DLGAP2: variants seen among roughly 807,000 people sequenced by gnomAD.
DLGAP2 encodes DLG associated protein 2.
Under a neutral mutation model 100.3 loss-of-function variants are expected in DLGAP2, and 26 were observed. The observed-to-expected ratio is 0.26, with a 90% confidence interval of 0.19 to 0.36. DLGAP2 has a LOEUF of 0.36. Ranked by LOEUF, DLGAP2 falls within the 10% of genes least tolerant of loss-of-function variation. The pLI is 1.00. For synonymous variants in DLGAP2, 886 were observed against 630.1 expected, an observed-to-expected ratio of 1.41 and a Z score of -6.08; for missense variants, 1,858 against 1,453.2, an observed-to-expected ratio of 1.28 and a Z score of -4.53.
chr8:1,617,088 T>C (rs1156957557), intron 6 of DLGAP2, among the ~76,000 whole-genome samples: 1 of 152,210 alleles, frequency 6.6e-6, no homozygotes, highest in East Asian at 1.9e-4. Flanking sequence ...GGCTGCATAG[T>C]ATTCCACGGT....
At chr8:1,591,062 G>A (rs1366685767) in intron 6 of DLGAP2, among the ~76,000 whole-genome samples, 3 of 152,192 alleles carry the variant, frequency 2.0e-5, no homozygotes, top group Admixed American at 6.5e-5. Context: ...TTCCGTGCTC[G>A]GGACCCAACC....
chr8:1,088,335 G>A (rs1396201348), intron 2 of DLGAP2, among the ~76,000 whole-genome samples: 1 of 152,064 alleles, frequency 6.6e-6, no homozygotes, highest in African/African-American at 2.4e-5. Context: ...AGGGCACCAA[G>A]GGCCTGGTGG....
chr8:859,240 T>C (rs1488770485), intron 1 of DLGAP2, among the ~76,000 whole-genome samples: 1 of 151,978 alleles, frequency 6.6e-6, no homozygotes, highest in African/African-American at 2.4e-5. Flanking sequence ...GCCTCCCAAG[T>C]AGCTGGGATC....
Position 1,083,902 on chromosome 8 carries a change from G to A in DLGAP2, c.74-174949G>A, listed in dbSNP as rs113716560. Among the ~76,000 whole-genome samples the A allele has an allele frequency of 1.1e-4, 17 of 152,256 alleles. No homozygotes were observed. The East Asian group carries it at 1.5e-3, about 14-fold the overall frequency. On this transcript the variant is annotated intron_variant, in intron 2 of 14. Transcript: ENST00000637795. The stretch of plus-strand genomic sequence containing the variant: ...AAGTGGCTAATAAAGAACTGTGTTC[G>A]TGTTCCTAGCAAAATGCAAAATCAT...
chr8:1,499,197 T>C (rs1394151432), intron 3 of DLGAP2, among the ~76,000 whole-genome samples: 2 of 152,246 alleles, frequency 1.3e-5, no homozygotes, highest in Non-Finnish European at 2.9e-5. Flanking sequence ...TTGTGCTCTG[T>C]GTGAAGCACG....
intron 6 of DLGAP2, among the ~76,000 whole-genome samples, chr8:1,613,700 G>T (rs181355288): frequency 1.3e-5 from 2 of 152,280 alleles, no homozygotes; most frequent in African/African-American, 4.8e-5. Flanking sequence ...TATTTTGGGA[G>T]AGTAGTTTAA....
At chr8:1,549,815 T>C in intron 5 of DLGAP2, 132 bp downstream of exon 5, 1 of 1,061,022 alleles carries the variant, frequency 9.4e-7, no homozygotes, top group Non-Finnish European at 1.3e-6. Context: ...GAGCTACGGA[T>C]ATGTTCTGGG....
At chr8:1,598,914 G>T (rs909194183) in intron 6 of DLGAP2, among the ~76,000 whole-genome samples, 1 of 151,982 alleles carries the variant, frequency 6.6e-6, no homozygotes, top group Admixed American at 6.6e-5. Context: ...CTTAGCTTTT[G>T]AATTTGTTTG....
intron 4 of DLGAP2, among the ~76,000 whole-genome samples, chr8:1,540,830 T>C (rs1236934048): frequency 6.6e-6 from 1 of 152,248 alleles, no homozygotes; most frequent in Non-Finnish European, 1.5e-5. Flanking sequence ...CCTTTGAAAA[T>C]GGTTTGAAAC....
chr8:1,232,808 T>C (rs1169097017), intron 2 of DLGAP2, among the ~76,000 whole-genome samples: 1 of 152,236 alleles, frequency 6.6e-6, no homozygotes, highest in Non-Finnish European at 1.5e-5. Flanking sequence ...AGTAAACGTA[T>C]CGCAAGGTTT....
intron 8 of DLGAP2, among the ~76,000 whole-genome samples, chr8:1,647,035 C>T (rs1798055720): frequency 6.6e-6 from 1 of 152,192 alleles, no homozygotes; most frequent in Admixed American, 6.5e-5. Context: ...GGCTTTGGCT[C>T]ATCTGACAGC....
rs1385379404 is a variant in DLGAP2 at position 1,568,287 on chromosome 8, CG to C, written c.1442+2394del. Reference sequence around the variant, plus strand: ...ACTGTCCACTCAGCAGACACAAATCCGTCTTTGCCTGTGGCCTCCATGCCAC... The same window carrying C: ...ACTGTCCACTCAGCAGACACAAATCCTCTTTGCCTGTGGCCTCCATGCCAC... On this transcript the variant is annotated intron_variant, in intron 6 of 14. Coordinates refer to ENST00000637795, the MANE Select transcript of DLGAP2 (RefSeq NM_001346810.2). Among the ~76,000 whole-genome samples, 354 of 55,732 alleles carry C rather than the reference CG, an allele frequency of 6.4e-3. 25 individuals are homozygous for C. The highest frequency in any genetic ancestry group is 0.012 in the African/African-American group (149 of 12,764). 36.6% of individuals were successfully genotyped at this position (55,732 alleles called of 152,430 possible).
At chr8:1,171,307 G>T (rs985841926) in intron 2 of DLGAP2, among the ~76,000 whole-genome samples, 5 of 152,154 alleles carry the variant, frequency 3.3e-5, no homozygotes, top group African/African-American at 1.2e-4. Flanking sequence ...TCCAGAGTAT[G>T]TGGTCAGTTT....
chr8:1,263,949 C>T (rs958196423), intron 3 of DLGAP2, among the ~76,000 whole-genome samples: 1 of 152,134 alleles, frequency 6.6e-6, no homozygotes, highest in Non-Finnish European at 1.5e-5. Context: ...GGAAAACAGA[C>T]TCAGCTCTAG....
At chr8:772,477 C>T (rs545034893) in intron 1 of DLGAP2, among the ~76,000 whole-genome samples, 5 of 152,088 alleles carry the variant, frequency 3.3e-5, no homozygotes, top group South Asian at 2.1e-4. Context: ...CACACACCAC[C>T]GTGTCTGGCT....
At chr8:1,484,292 C>A (rs1799183279) in intron 3 of DLGAP2, among the ~76,000 whole-genome samples, 1 of 152,266 alleles carries the variant, frequency 6.6e-6, no homozygotes, top group Non-Finnish European at 1.5e-5. Flanking sequence ...CCTGGTCCAA[C>A]AGAGTCAATG....
intron 2 of DLGAP2, among the ~76,000 whole-genome samples, chr8:1,123,709 T>A (rs982305184): frequency 6.6e-6 from 1 of 152,152 alleles, no homozygotes; most frequent in Non-Finnish European, 1.5e-5. Flanking sequence ...CCTCTTTTTC[T>A]CCTCCTCCAG....
chr8:1,250,855 A>G (rs1378885358), intron 2 of DLGAP2, among the ~76,000 whole-genome samples: 1 of 152,226 alleles, frequency 6.6e-6, no homozygotes, highest in Non-Finnish European at 1.5e-5. Context: ...GTCAGGCGCC[A>G]GGTAACGACG....
At chr8:1,241,855 T>C (rs1198279926) in intron 2 of DLGAP2, among the ~76,000 whole-genome samples, 1 of 152,218 alleles carries the variant, frequency 6.6e-6, no homozygotes, top group East Asian at 1.9e-4. Flanking sequence ...CAACTTGATA[T>C]TGTAGAGAAA....
Sources: allele counts gnomAD v4.1 joint callset (sites outside exome capture counted in the v4.1 genomes callset), GRCh38; gene constraint gnomAD v4.1.1; transcripts MANE v1.5; gene names NCBI Gene and HGNC (gene_info 2026-07-23, HGNC 2026-07-21).